The following PARP10 variants were observed in gnomAD, a reference collection of about 807,000 sequenced individuals.
PARP10 encodes the protein poly(ADP-ribose) polymerase family member 10.
PARP10 carries 56 observed loss-of-function variants against 82.4 expected under a neutral mutation model. The ratio of observed to expected loss-of-function variants is 0.68; its 90% confidence interval spans 0.55 to 0.85. The LOEUF is 0.85. PARP10 is among the 40% of genes least tolerant of loss of function. The pLI, the probability that PARP10 is intolerant of heterozygous loss-of-function variation, is 0.00. For missense variants in PARP10, 1,227 were observed against 1,379.4 expected, an observed-to-expected ratio of 0.89 and a Z score of 1.75; for synonymous variants, 576 against 601.1, an observed-to-expected ratio of 0.96 and a Z score of 0.61.
chr8:143,980,396 G>A (rs1349511634), intron 9 of PARP10, among the ~76,000 whole-genome samples: 1 of 146,096 alleles, frequency 6.8e-6, no homozygotes, highest in Non-Finnish European at 1.5e-5. Context: ...GTGGTGGTGT[G>A]TGCCTGTAAT....
At chr8:143,978,328 C>A (rs898281035) in intron 9 of PARP10, among the ~76,000 whole-genome samples, 32 of 152,120 alleles carry the variant, frequency 2.1e-4, no homozygotes, top group Non-Finnish European at 4.6e-4. Flanking sequence ...GGCGGGCAAA[C>A]CCCACCCACT....
In PARP10 at chr8:143,985,760, G is replaced by A. The variant is rs782108852; in HGVS notation, c.397C>T (p.Arg133Trp). The A allele has an allele frequency of 1.7e-5, 28 of 1,610,216 alleles. No homozygotes were observed. Among genetic ancestry groups the A allele is most frequent in the Non-Finnish European group, 2.2e-5 (26 of 1,178,224 alleles). Residue 133 changes from arginine (R) to tryptophan (W), a missense_variant, in exon 3 of 11, where the codon CGG (arginine) becomes TGG (tryptophan). Transcript: ENST00000313028. Reference protein sequence around the residue: ...CCALASPRPDRALVQLPKPLS... With the variant: ...CCALASPRPDWALVQLPKPLS... ...GGCTTGGGCAACTGGACCAGAGCCC[G>A]GTCTGGCCGGGGGCTGGCCAAGGCA...
chr8:143,983,228 TGCCACCAAGTG>T lies in PARP10; in HGVS notation c.2350_2360del (p.His784ThrfsTer79). On this transcript the variant is annotated frameshift_variant, in exon 8 of 11. Transcript: ENST00000313028. LOFTEE classifies it high-confidence loss of function. Reference sequence around the variant, plus strand: ...TCTGATCCCAGGGGCCAGCCAGAAGTGCCACCAAGTGGCGGGCAGCACGGGCAGGGTGGGCC... The same window carrying T: ...TCTGATCCCAGGGGCCAGCCAGAAGTGCGGGCAGCACGGGCAGGGTGGGCC... 3 of 1,613,630 alleles carry T rather than the reference TGCCACCAAGTG, an allele frequency of 1.9e-6. No individual in the cohort carries two copies. Among genetic ancestry groups the T allele is most frequent in the Non-Finnish European group, 2.5e-6 (3 of 1,179,970 alleles).
chr8:144,009,544 G>C (rs546019559), intron 1 of PARP10, among the ~76,000 whole-genome samples: 1 of 152,228 alleles, frequency 6.6e-6, no homozygotes, highest in South Asian at 2.1e-4. Context: ...CGCTCATACA[G>C]ATCCAGTTGC....
chr8:144,012,620 C>G, exon 1 of PARP10: 1 of 1,551,740 alleles, frequency 6.4e-7, no homozygotes, highest in Non-Finnish European at 8.7e-7. Flanking sequence ...GGGAGAATCA[C>G]GAGCTCAAGT....
chr8:144,003,536 G>A (rs544913314), intron 1 of PARP10, among the ~76,000 whole-genome samples: 14 of 151,874 alleles, frequency 9.2e-5, no homozygotes, highest in African/African-American at 1.5e-4. Flanking sequence ...ACTGGGACCC[G>A]GAGACAGGAA....
chr8:143,996,136 G>A (rs992402410), intron 1 of PARP10, among the ~76,000 whole-genome samples: 3 of 152,206 alleles, frequency 2.0e-5, no homozygotes, highest in African/African-American at 4.8e-5. Context: ...GCTCCCCCAC[G>A]ATGAGCAGCC....
upstream of PARP10, among the ~76,000 whole-genome samples, chr8:143,993,646 G>A (rs1221916590): frequency 1.3e-5 from 2 of 152,224 alleles, no homozygotes; most frequent in Non-Finnish European, 2.9e-5. Context: ...GTACCCCAAT[G>A]GTAAGTGGCC....
chr8:144,003,983 C>T (rs1554751895), intron 1 of PARP10, among the ~76,000 whole-genome samples: 1 of 150,734 alleles, frequency 6.6e-6, no homozygotes, highest in East Asian at 2.0e-4. Context: ...TGCAGTGAGC[C>T]GTGATTGCAC....
chr8:143,985,184 G>A lies in PARP10; in HGVS notation c.818C>T (p.Thr273Ile), dbSNP rs782348319. The change falls in exon 5 of 11, where the codon ACC becomes ATC. Residue 273 changes from threonine (T) to isoleucine (I), a missense_variant. Transcript: ENST00000313028. ...DHPSTQGPRA[T>I]KHALLRTGGL... ...TCCGGTCCTCAGGAGAGCATGCTTG[G>A]TAGCCCTAGGCCCCTGGGTGGACGG... 13 of 1,614,040 alleles carry A rather than the reference G, an allele frequency of 8.1e-6. No individual in the cohort carries two copies. In the Admixed American group the frequency reaches 1.7e-4, roughly 21 times the overall value.
intron 1 of PARP10, among the ~76,000 whole-genome samples, chr8:144,009,898 G>A (rs1834262171): frequency 6.6e-6 from 1 of 152,148 alleles, no homozygotes; most frequent in East Asian, 1.9e-4. Context: ...GGCACCACCT[G>A]TGAACCAGCC....
In PARP10 at chr8:144,008,445, A is replaced by T. The variant is rs80348322; in HGVS notation, c.-80+4085T>A. Among the ~76,000 whole-genome samples, 6,003 of 152,320 alleles carry T rather than the reference A, an allele frequency of 0.039. 407 individuals are homozygous for T. Among genetic ancestry groups the T allele is most frequent in the African/African-American group, 0.14 (5,658 of 41,540 alleles). ...AAATGAGGCAAATTTGAATGGGGAC[A>T]AACTGTGCAAAAGCCAGTGACCCAA... On this transcript the variant is annotated intron_variant, in intron 1 of 3. Coordinates refer to the PARP10 transcript ENST00000530478. The surrounding 1 kb of genome is among the most constrained non-coding windows in gnomAD (Gnocchi z 4.0).
upstream of PARP10, chr8:143,991,922 G>A (rs782715442): frequency 1.9e-5 from 30 of 1,613,344 alleles, no homozygotes; most frequent in Admixed American, 1.2e-4. Flanking sequence ...CCCTGTCCAC[G>A]GTGTCTGTGT....
At chr8:143,992,578 C>T (rs782139363), upstream of PARP10, 198 of 1,614,028 alleles carry the variant, frequency 1.2e-4, no homozygotes, top group Middle Eastern at 1.6e-4. Flanking sequence ...AGATCGTGTA[C>T]GCCTCACTGG....
chr8:143,993,437 C>T (rs536350498), upstream of PARP10: 1 of 156,562 alleles, frequency 6.4e-6, no homozygotes, highest in Admixed American at 6.1e-5. Flanking sequence ...CACTCTTCTC[C>T]CTGCCACTTT....
chr8:143,999,308 T>TC (rs782405805), intron 1 of PARP10, among the ~76,000 whole-genome samples: 4 of 151,996 alleles, frequency 2.6e-5, no homozygotes, highest in Admixed American at 6.6e-5. Flanking sequence ...CACAAGTGGA[T>TC]CCTCCCACTT....
At chr8:143,992,910 T>C, upstream of PARP10, 1 of 1,389,018 alleles carries the variant, frequency 7.2e-7, no homozygotes, top group Non-Finnish European at 1.0e-6. Context: ...GGCACGGCAG[T>C]GCCAGCTGTA....
intron 1 of PARP10, among the ~76,000 whole-genome samples, chr8:144,005,684 C>T (rs1382493913): frequency 6.6e-6 from 1 of 151,950 alleles, no homozygotes; most frequent in Non-Finnish European, 1.5e-5. Context: ...GCCTCCTTGA[C>T]GGTCTTCAAA....
intron 9 of PARP10, among the ~76,000 whole-genome samples, chr8:143,981,376 A>C (rs1833853221): frequency 1.0e-5 from 1 of 97,614 alleles, no homozygotes; most frequent in Non-Finnish European, 2.2e-5. Flanking sequence ...GACGACAGTG[A>C]GTGGTGAAGG....
Sources: allele counts gnomAD v4.1 joint callset (sites outside exome capture counted in the v4.1 genomes callset), GRCh38; gene constraint gnomAD v4.1.1; non-coding constraint Gnocchi (gnomAD v3.1); transcripts MANE v1.5; gene names NCBI Gene and HGNC (gene_info 2026-07-23, HGNC 2026-07-21).